The following DNAJB13 variants were observed in gnomAD, a reference collection of about 807,000 sequenced individuals.
DNAJB13 encodes the protein dnaJ homolog subfamily B member 13.
DNAJB13 carries 22 observed loss-of-function variants against 35.6 expected under a neutral mutation model. That is an observed-to-expected ratio of 0.62 (90% CI 0.44 to 0.88). DNAJB13 has a LOEUF of 0.88. DNAJB13 is among the 40% of genes least tolerant of loss of function. The pLI, the probability that DNAJB13 is intolerant of heterozygous loss-of-function variation, is 0.00. For synonymous variants in DNAJB13, 136 were observed against 144.2 expected (o/e 0.94, Z 0.41); for missense variants, 370 against 384.3 (o/e 0.96, Z 0.31).
chr11:73,967,731 C>T (rs889128270), intron 5 of DNAJB13, among the ~76,000 whole-genome samples: 3 of 152,138 alleles, frequency 2.0e-5, no homozygotes, highest in Admixed American at 6.6e-5. Flanking sequence ...GGCAACAGAG[C>T]GAGATCCTGT....
intron 5 of DNAJB13, among the ~76,000 whole-genome samples, chr11:73,966,502 G>A (rs748756802): frequency 6.6e-6 from 1 of 152,034 alleles, no homozygotes; most frequent in African/African-American, 2.4e-5. Flanking sequence ...TGGGAAATGG[G>A]GGCCCAGAGA....
chr11:73,970,003 G>T lies in DNAJB13; in HGVS notation c.840G>T (p.Leu280Phe). Residue 280 changes from leucine (L) to phenylalanine (F), a missense_variant, in exon 8 of 8, where the codon TTG (leucine) becomes TTT (phenylalanine). By Grantham distance (22) the Leu-to-Phe change is conservative (BLOSUM62 0). Coordinates refer to ENST00000339764, the MANE Select transcript of DNAJB13 (RefSeq NM_153614.4). Reference protein sequence around the residue: ...FKKVPGEGMPLPEDPTKKGDL... With the variant: ...FKKVPGEGMPFPEDPTKKGDL... The stretch of plus-strand genomic sequence containing the variant: ...AGGTGCCAGGGGAGGGGATGCCATT[G>T]CCGGAGGACCCCACTAAGAAAGGGG... The T allele has an allele frequency of 1.2e-6, 2 of 1,611,608 alleles. No individual in the cohort carries two copies. Among genetic ancestry groups the T allele is most frequent in the East Asian group, 2.2e-5 (1 of 44,846 alleles).
At chr11:73,955,307 CT>C (rs570240877) in intron 1 of DNAJB13, among the ~76,000 whole-genome samples, 8,557 of 134,756 alleles carry the variant, frequency 0.064, 373 homozygotes, top group African/African-American at 0.18. Flanking sequence ...AACCTTGTTA[CT>C]TTTTTTTTTT....
chr11:73,964,802 T>TGC lies in DNAJB13; in HGVS notation c.335-75_335-74insCG, dbSNP rs780270375. Reference sequence around the variant, plus strand: ...GTGTGTGTGTGTGTGTGTGTGTGTGTGTGTGTGTGTGCGCGCGCGCGCATG... The same window carrying TGC: ...GTGTGTGTGTGTGTGTGTGTGTGTGTGCGTGTGTGTGTGCGCGCGCGCGCATG... On this transcript the variant is annotated intron_variant, in intron 3 of 7. Transcript: ENST00000339764. 282 of 774,292 alleles carry TGC rather than the reference T, an allele frequency of 3.6e-4. 3 individuals carry two copies. The highest frequency in any genetic ancestry group is 7.2e-4 in the Middle Eastern group (2 of 2,764). 48.0% of individuals were successfully genotyped at this position (774,292 alleles called of 1,614,324 possible). A position where few individuals can be genotyped will look rare whatever the true frequency, so the allele number is the denominator to read the frequency against.
rs1430429038 is a variant in DNAJB13 at position 73,964,939 on chromosome 11, G to A, written c.396G>A (p.Gly132=). The A allele has an allele frequency of 2.5e-6, 4 of 1,613,484 alleles. No individual in the cohort carries two copies. The highest frequency in any genetic ancestry group is 2.7e-5 in the African/African-American group (2 of 74,906). ...ACTTTGGGGGGCTCCAGGGCCGAGG[G>A]GTCAAGAAGCAGGACCCCCAAGTCG... ...DLNFGGLQGR[G]VKKQDPQVER... is the part of the protein sequence containing the mutation. Residue 132 remains glycine, a synonymous_variant, in exon 4 of 8, where the codon GGG becomes GGA. Transcript: ENST00000339764.
intron 1 of DNAJB13, among the ~76,000 whole-genome samples, chr11:73,956,525 G>T (rs904343143): frequency 6.6e-6 from 1 of 152,146 alleles, no homozygotes; most frequent in Non-Finnish European, 1.5e-5. Context: ...TCAGAAGGCT[G>T]GGCGCTGTGG....
intron 1 of DNAJB13, 111 bp downstream of exon 1, chr11:73,951,248 TTC>T: frequency 7.6e-7 from 1 of 1,322,172 alleles, no homozygotes; most frequent in Non-Finnish European, 1.1e-6. Context: ...GTAAACCTTG[TTC>T]CTCCTTTCAC....
intron 3 of DNAJB13, 67 bp from the exon 4 acceptor site, chr11:73,964,811 G>C: frequency 1.5e-6 from 2 of 1,324,926 alleles, no homozygotes; most frequent in Non-Finnish European, 2.1e-6. Flanking sequence ...GTGTGTGTGT[G>C]TGCGCGCGCG....
chr11:73,958,283 C>T lies in DNAJB13; in HGVS notation c.69-34C>T, dbSNP rs374177973. 2.2e-5 allele frequency: 36 copies of T among 1,606,750 alleles called. 1 individual carries two copies. The African/African-American group carries it at 4.7e-4, about 21-fold the overall frequency. On this transcript the variant is annotated intron_variant, in intron 1 of 7. Coordinates refer to ENST00000339764, the MANE Select transcript of DNAJB13 (RefSeq NM_153614.4). ...TGGTCCGCCCTCAGAAACAGACCAG[C>T]TGATAAGACTTGTATTAATTCTCCC...
intron 1 of DNAJB13, among the ~76,000 whole-genome samples, chr11:73,956,384 G>C (rs1240129409): frequency 6.6e-6 from 1 of 152,202 alleles, no homozygotes; most frequent in African/African-American, 2.4e-5. Context: ...CAGCAAGAGA[G>C]AACAGTGAGT....
In DNAJB13 at chr11:73,958,369, T is replaced by C; in HGVS notation, c.121T>C (p.Ser41Pro). 2 of 1,614,178 alleles carry C rather than the reference T, an allele frequency of 1.2e-6. No individual in the cohort carries two copies. Among genetic ancestry groups the C allele is most frequent in the Non-Finnish European group, 1.7e-6 (2 of 1,180,028 alleles). Residue 41 changes from serine (S) to proline (P), a missense_variant, in exon 2 of 8, where the codon TCA becomes CCA. Coordinates refer to ENST00000339764, the MANE Select transcript of DNAJB13 (RefSeq NM_153614.4). ...CCCGTTGAAGTCAAATGAGCCGTCT[T>C]CAGCAGAGATTTTCAGGCAAATAGC... ...HHPLKSNEPS[S>P]AEIFRQIAEA... is the part of the protein sequence containing the mutation.
chr11:73,969,173 C>T (rs930106715), intron 6 of DNAJB13, 73 bp from the exon 7 acceptor site: 8 of 723,024 alleles, frequency 1.1e-5, no homozygotes, highest in Admixed American at 5.2e-5. Context: ...TGGACAGGTT[C>T]CTAAGGTGCC....
chr11:73,969,340 G>A lies in DNAJB13; in HGVS notation c.797+18G>A. The A allele has an allele frequency of 2.3e-6, 2 of 871,276 alleles. No individual in the cohort carries two copies. The highest frequency in any genetic ancestry group is 2.6e-5 in the South Asian group (2 of 76,326). 54.0% of individuals were successfully genotyped at this position (871,276 alleles called of 1,614,324 possible). On this transcript the variant is annotated intron_variant, in intron 7 of 7. Transcript: ENST00000339764. ...ATCATCCAGTGAGTCCATCTGCCTTGGGCCCCAGTAGCCAAGAGAAGGGCT... is the reference window on the plus strand; with the variant it reads ...ATCATCCAGTGAGTCCATCTGCCTTAGGCCCCAGTAGCCAAGAGAAGGGCT...
chr11:73,963,847 C>T (rs1020344444), intron 3 of DNAJB13: 2 of 152,116 alleles, frequency 1.3e-5, no homozygotes, highest in South Asian at 2.1e-4. Context: ...TAGCGCCCCT[C>T]GAGTTTACAG....
chr11:73,963,393 C>T (rs1416267432), intron 3 of DNAJB13, among the ~76,000 whole-genome samples: 2 of 151,894 alleles, frequency 1.3e-5, no homozygotes, highest in Non-Finnish European at 2.9e-5. Flanking sequence ...CTTTGCAGTC[C>T]AAAAATGCCA....
intron 1 of DNAJB13, among the ~76,000 whole-genome samples, chr11:73,953,596 A>G (rs915014488): frequency 3.3e-5 from 5 of 152,184 alleles, no homozygotes; most frequent in African/African-American, 2.4e-5. Flanking sequence ...ATGTTCTTCT[A>G]TACAATGTCT....
chr11:73,958,259 G>C (rs746415739), intron 1 of DNAJB13, 58 bp from the exon 2 acceptor site: 99 of 1,568,434 alleles, frequency 6.3e-5, no homozygotes, highest in Non-Finnish European at 8.3e-5. Context: ...TCTGAACTCT[G>C]GTCCGCCCTC....
chr11:73,958,407 C>T lies in DNAJB13; in HGVS notation c.159C>T (p.Asp53=). The change falls in exon 2 of 8, where the codon GAC becomes GAT. Residue 53 remains aspartate, a synonymous_variant. Coordinates refer to ENST00000339764, the MANE Select transcript of DNAJB13 (RefSeq NM_153614.4). ...EIFRQIAEAY[D]VLSDPMKRGI... is the part of the protein sequence containing the mutation. ...TCAGGCAAATAGCAGAGGCCTACGA[C>T]GTGCTGAGTGACCGTGAGTAGGTGT... The T allele has an allele frequency of 1.9e-6, 3 of 1,614,124 alleles. No homozygotes were observed. Among genetic ancestry groups the T allele is most frequent in the South Asian group, 1.1e-5 (1 of 91,088 alleles).
chr11:73,966,572 CCA>C (rs1448342090), intron 5 of DNAJB13, among the ~76,000 whole-genome samples: 11 of 152,276 alleles, frequency 7.2e-5, no homozygotes, highest in African/African-American at 2.4e-4. Flanking sequence ...AGTCTGAACT[CCA>C]GTGTTTTCCT....
Sources: gnomAD v4.1 joint callset for allele counts (sites outside exome capture counted in the v4.1 genomes callset) on GRCh38, gnomAD v4.1.1 for gene constraint, MANE v1.5 for transcripts, NCBI Gene and HGNC (gene_info 2026-07-23, HGNC 2026-07-21) for gene names.